Variants in DLG2 observed in about 807,000 individuals in gnomAD.
The protein encoded by DLG2 is discs large MAGUK scaffold protein 2, also known as disks large homolog 2.
In DLG2, 45 loss-of-function variants were observed where a neutral mutation model predicts 132.5. The observed-to-expected ratio is 0.34, with a 90% CI of 0.27 to 0.44. The LOEUF (loss-of-function observed/expected upper bound fraction) is 0.44, where lower values mean the gene tolerates loss of function less well. DLG2 is among the 20% of genes least tolerant of loss of function. The pLI is 1.00. For missense variants in DLG2, 1,045 were observed against 1,196.9 expected, an observed-to-expected ratio of 0.87 and a Z score of 1.87; for synonymous variants, 424 against 419.6, an observed-to-expected ratio of 1.01 and a Z score of -0.13.
At chr11:85,341,145 G>C (rs1486076047) in intron 3 of DLG2, among the ~76,000 whole-genome samples, 1 of 149,798 alleles carries the variant, frequency 6.7e-6, no homozygotes, top group Admixed American at 6.7e-5. Context: ...TTGAGACAGA[G>C]CCTCACTCTG....
chr11:85,494,526 T>C lies in DLG2; in HGVS notation c.40+104131A>G, dbSNP rs1246886906. On this transcript the variant is annotated intron_variant, in intron 3 of 27. Transcript: ENST00000376104. ...AAAAGGAAAGTAAGCAATGTTAAAA[T>C]TTGGAGTGGCTTTTTTTTAATCTTA... Among the ~76,000 whole-genome samples the C allele has an allele frequency of 2.6e-5, 4 of 151,926 alleles. No individual in the cohort carries two copies. The East Asian group carries it at 7.7e-4, about 29-fold the overall frequency.
At chr11:83,817,975 A>G (rs1264475327) in intron 17 of DLG2, among the ~76,000 whole-genome samples, 2 of 152,216 alleles carry the variant, frequency 1.3e-5, no homozygotes, top group African/African-American at 4.8e-5. Flanking sequence ...CCTTCAGTGC[A>G]TCCTTTTTAT....
chr11:85,122,368 G>T (rs185457713), intron 5 of DLG2, among the ~76,000 whole-genome samples: 2 of 152,314 alleles, frequency 1.3e-5, no homozygotes, highest in South Asian at 4.1e-4. Context: ...AAGCTAGGAA[G>T]TTGAGAGGTA....
At chr11:84,821,018 T>A (rs2153983190) in intron 6 of DLG2, among the ~76,000 whole-genome samples, 1 of 151,970 alleles carries the variant, frequency 6.6e-6, no homozygotes, top group Admixed American at 6.6e-5. Context: ...TGCAGTAGAT[T>A]ATAATAGAAT....
intron 6 of DLG2, among the ~76,000 whole-genome samples, chr11:84,551,116 G>A (rs2099400983): frequency 6.6e-6 from 1 of 152,120 alleles, no homozygotes; most frequent in Non-Finnish European, 1.5e-5. Context: ...AAATAAGGCA[G>A]AAAGTGTGGC....
chr11:83,611,604 A>T (rs2060120570), intron 19 of DLG2, among the ~76,000 whole-genome samples: 1 of 152,380 alleles, frequency 6.6e-6, no homozygotes, highest in Middle Eastern at 3.4e-3. Flanking sequence ...AAATTATTTC[A>T]ATAACAGCAC....
chr11:84,064,134 A>G (rs1190998172), intron 10 of DLG2, among the ~76,000 whole-genome samples: 1 of 152,172 alleles, frequency 6.6e-6, no homozygotes, highest in Admixed American at 6.5e-5. Context: ...TATATAACAA[A>G]AAAATTTTTC....
rs542545309 is a variant in DLG2, at chr11:83,951,810, G to C, written c.1340+11075C>G. ...AAGAGTAATGTATGGTGCAGCATGA[G>C]TAACAAAGGCAAAAATGGAAGCTGT... On this transcript the variant is annotated intron_variant, in intron 14 of 27. Transcript: ENST00000376104. Among the ~76,000 whole-genome samples, 224 of 152,226 alleles carry C rather than the reference G, an allele frequency of 1.5e-3. 1 individual carries two copies. The highest frequency in any genetic ancestry group is 3.4e-3 in the Middle Eastern group (1 of 294).
chr11:84,960,954 G>T (rs966181727), intron 6 of DLG2, among the ~76,000 whole-genome samples: 1 of 152,014 alleles, frequency 6.6e-6, no homozygotes, highest in African/African-American at 2.4e-5. Flanking sequence ...AACAAGTTGA[G>T]GTTCTTCTCA....
chr11:84,265,661 T>C (rs1412728751), intron 7 of DLG2, among the ~76,000 whole-genome samples: 1 of 152,056 alleles, frequency 6.6e-6, no homozygotes, highest in Admixed American at 6.6e-5. Flanking sequence ...ACTTTGAAAA[T>C]TGTAACAAGA....
At chr11:84,677,350 A>T (rs1463062469) in intron 6 of DLG2, among the ~76,000 whole-genome samples, 1 of 152,082 alleles carries the variant, frequency 6.6e-6, no homozygotes, top group Non-Finnish European at 1.5e-5. Context: ...CCTGCTGATT[A>T]TAAAGGATTT....
At chr11:84,251,316 T>C in intron 7 of DLG2, 25 bp from the exon 8 acceptor site, 1 of 1,500,822 alleles carries the variant, frequency 6.7e-7, no homozygotes, top group Non-Finnish European at 9.1e-7. Flanking sequence ...AGAAAAAAAA[T>C]TAAATAATGA....
At chr11:85,209,884 C>A (rs1244257684) in intron 4 of DLG2, among the ~76,000 whole-genome samples, 1 of 152,100 alleles carries the variant, frequency 6.6e-6, no homozygotes, top group Admixed American at 6.6e-5. Context: ...CTCTGTCACA[C>A]CAAGCAGACT....
intron 19 of DLG2, among the ~76,000 whole-genome samples, chr11:83,627,018 A>G (rs2153447464): frequency 6.6e-6 from 1 of 152,260 alleles, no homozygotes; most frequent in African/African-American, 2.4e-5. Flanking sequence ...CACTGCTGAG[A>G]AAACAGCGTC....
At chr11:85,269,422 A>C (rs949819386) in intron 4 of DLG2, among the ~76,000 whole-genome samples, 7 of 152,222 alleles carry the variant, frequency 4.6e-5, no homozygotes, top group African/African-American at 1.7e-4. Context: ...TACTTGAACA[A>C]CAAGATTTCT....
chr11:85,353,565 A>C (rs914861666), intron 3 of DLG2, among the ~76,000 whole-genome samples: 3 of 152,200 alleles, frequency 2.0e-5, no homozygotes, highest in African/African-American at 7.2e-5. Context: ...ACTATTCACA[A>C]TAGCAAAGAC....
chr11:84,093,062 A>G (rs2097118240), intron 10 of DLG2, among the ~76,000 whole-genome samples: 1 of 151,928 alleles, frequency 6.6e-6, no homozygotes, highest in Admixed American at 6.6e-5. Flanking sequence ...AAAGAAAGAA[A>G]GAAAGAAAAT....
intron 6 of DLG2, among the ~76,000 whole-genome samples, chr11:84,873,727 C>G (rs1038928455): frequency 6.6e-6 from 1 of 152,200 alleles, no homozygotes; most frequent in Non-Finnish European, 1.5e-5. Context: ...TTTTCAAAAA[C>G]CGTGTTGAGG....
chr11:84,424,424 A>G (rs1567599212), intron 7 of DLG2, among the ~76,000 whole-genome samples: 1 of 152,082 alleles, frequency 6.6e-6, no homozygotes, highest in African/African-American at 2.4e-5. Context: ...ATCTTTCTTA[A>G]TGACTTGTCA....
Sources: gnomAD v4.1 joint callset for allele counts (sites outside exome capture counted in the v4.1 genomes callset) on GRCh38, gnomAD v4.1.1 for gene constraint, MANE v1.5 for transcripts, NCBI Gene and HGNC (gene_info 2026-07-23, HGNC 2026-07-21) for gene names.